AK9: variants seen among roughly 807,000 people sequenced by gnomAD.
AK9 encodes adenylate kinase domain containing 1.
A neutral mutation model predicts 239.6 loss-of-function variants in AK9; 191 were observed. That is an observed-to-expected ratio of 0.80 (90% CI 0.71 to 0.90). The LOEUF is 0.90. AK9 is among the 40% of genes least tolerant of loss of function. The pLI, the probability that AK9 is intolerant of heterozygous loss-of-function variation, is 0.00. For synonymous variants in AK9, 689 were observed against 721.0 expected, an observed-to-expected ratio of 0.96 and a Z score of 0.71; for missense variants, 1,995 against 2,214.7, an observed-to-expected ratio of 0.90 and a Z score of 1.99.
intron 32 of AK9, among the ~76,000 whole-genome samples, chr6:109,509,587 T>A (rs1778472117): frequency 6.6e-6 from 1 of 152,066 alleles, no homozygotes. Context: ...CCAGGCCTCC[T>A]GCTCTATGGA....
intron 17 of AK9, among the ~76,000 whole-genome samples, chr6:109,599,292 T>C (rs1019027405): frequency 1.3e-5 from 2 of 152,214 alleles, no homozygotes; most frequent in African/African-American, 4.8e-5. Context: ...TTTCTACGTA[T>C]GGCTAGCCAG....
intron 9 of AK9, among the ~76,000 whole-genome samples, chr6:109,643,032 G>A (rs1395402375): frequency 1.3e-5 from 2 of 152,142 alleles, no homozygotes; most frequent in Non-Finnish European, 2.9e-5. Context: ...TGAACTCTGG[G>A]GTCCTGCAAC....
At chr6:109,588,686 G>C (rs1487398405) in intron 17 of AK9, among the ~76,000 whole-genome samples, 3 of 151,998 alleles carry the variant, frequency 2.0e-5, no homozygotes, top group Admixed American at 2.0e-4. Flanking sequence ...TTTTTCCTAG[G>C]TTCTCTTTCA....
Position 109,536,952 on chromosome 6 carries a change from G to A in AK9, c.3351-3482C>T, listed in dbSNP as rs148081469. Among the ~76,000 whole-genome samples, 56 of 152,284 alleles carry A rather than the reference G, an allele frequency of 3.7e-4. No homozygotes were observed. The East Asian group carries it at 0.01, about 28-fold the overall frequency. On this transcript the variant is annotated intron_variant, in intron 27 of 40. Coordinates refer to ENST00000424296, the MANE Select transcript of AK9 (RefSeq NM_001145128.3). ...ACCAGCCTTGCATCCTAGGGATGAA[G>A]CCCACTTGATCATGGTGCATAAGCT...
intron 26 of AK9, among the ~76,000 whole-genome samples, chr6:109,545,588 G>A (rs1441121242): frequency 6.6e-6 from 1 of 152,120 alleles, no homozygotes; most frequent in Non-Finnish European, 1.5e-5. Flanking sequence ...TGCCATGACT[G>A]TGAAGCCTCC....
At chr6:109,603,540 G>A (rs1792384524) in intron 17 of AK9, among the ~76,000 whole-genome samples, 1 of 152,218 alleles carries the variant, frequency 6.6e-6, no homozygotes, top group Admixed American at 6.5e-5. Flanking sequence ...TGAGGAGGCA[G>A]TCTGTCCGTT....
At chr6:109,543,663 G>C (rs1281445693) in intron 26 of AK9, among the ~76,000 whole-genome samples, 1 of 151,972 alleles carries the variant, frequency 6.6e-6, no homozygotes, top group Non-Finnish European at 1.5e-5. Flanking sequence ...GGCCAGGCTG[G>C]TCTTGAACTC....
chr6:109,493,725 T>C (rs745774625), intron 40 of AK9, among the ~76,000 whole-genome samples, 154 bp from the exon 41 acceptor site: 5 of 152,220 alleles, frequency 3.3e-5, no homozygotes, highest in Non-Finnish European at 7.3e-5. Context: ...CTGTTTTAGG[T>C]CATAATTGCC....
At chr6:109,501,925 A>T (rs879452510) in intron 35 of AK9, among the ~76,000 whole-genome samples, 1 of 152,158 alleles carries the variant, frequency 6.6e-6, no homozygotes, top group African/African-American at 2.4e-5. Flanking sequence ...AAAACAAATG[A>T]CTTTGAACCT....
rs1583200777 is a variant in AK9, at chr6:109,601,013, T to C, written c.1842+9352A>G. 3.3e-5 allele frequency among the ~76,000 whole-genome samples: 5 copies of C among 152,274 alleles called. 1 individual carries two copies. Among genetic ancestry groups the C allele is most frequent in the Admixed American group, 2.6e-4 (4 of 15,292 alleles). On this transcript the variant is annotated intron_variant, in intron 17 of 40. Transcript: ENST00000424296. ...TAGCAGTCTATCAATTTTGTTGATC[T>C]TTTCAAAAAACCAGCTCCTGGATTC...
At chr6:109,647,203 ACAT>A (rs1177899509) in intron 8 of AK9, among the ~76,000 whole-genome samples, 1 of 152,218 alleles carries the variant, frequency 6.6e-6, no homozygotes, top group African/African-American at 2.4e-5. Context: ...TAACCAGCTA[ACAT>A]CATAATGACA....
intron 24 of AK9, among the ~76,000 whole-genome samples, chr6:109,561,992 G>T (rs1333357589): frequency 1.3e-5 from 2 of 152,116 alleles, no homozygotes; most frequent in East Asian, 3.8e-4. Flanking sequence ...AATTTGGAAT[G>T]CTCTAAACTC....
At chr6:109,528,556 G>A (rs1321739111) in intron 29 of AK9, 1 of 456,960 alleles carries the variant, frequency 2.2e-6, no homozygotes, top group Non-Finnish European at 4.4e-6. Context: ...TGAATATTTT[G>A]TTTTGACAAA....
At chr6:109,503,203 G>C (rs1777770071) in intron 35 of AK9, among the ~76,000 whole-genome samples, 1 of 151,560 alleles carries the variant, frequency 6.6e-6, no homozygotes, top group Admixed American at 6.6e-5. Flanking sequence ...AAGGTATATA[G>C]TATTATAATA....
At chr6:109,545,470 A>T (rs1783427833) in intron 26 of AK9, among the ~76,000 whole-genome samples, 1 of 152,154 alleles carries the variant, frequency 6.6e-6, no homozygotes, top group African/African-American at 2.4e-5. Context: ...TGTGATAGTG[A>T]ATAGTCTCAC....
intron 12 of AK9, among the ~76,000 whole-genome samples, chr6:109,624,026 G>A (rs1168069148): frequency 6.6e-6 from 1 of 151,418 alleles, no homozygotes; most frequent in Non-Finnish European, 1.5e-5. Context: ...CGTAGAACAT[G>A]TTCATATTTC....
intron 27 of AK9, among the ~76,000 whole-genome samples, chr6:109,535,589 G>T (rs565740881): frequency 6.6e-6 from 1 of 152,264 alleles, no homozygotes; most frequent in East Asian, 1.9e-4. Flanking sequence ...TTCTTTTGCT[G>T]TCAGAAGTTC....
intron 33 of AK9, among the ~76,000 whole-genome samples, chr6:109,508,847 T>C (rs916270940): frequency 6.6e-6 from 1 of 152,160 alleles, no homozygotes; most frequent in Non-Finnish European, 1.5e-5. Context: ...GGGCCACTTC[T>C]CCATAACTTC....
intron 29 of AK9, among the ~76,000 whole-genome samples, chr6:109,519,487 T>C (rs998397337): frequency 7.9e-5 from 12 of 152,038 alleles, no homozygotes; most frequent in African/African-American, 2.9e-4. Flanking sequence ...CTGTTGTTTT[T>C]TGACTTTTTA....
Sources: allele counts gnomAD v4.1 joint callset (sites outside exome capture counted in the v4.1 genomes callset), GRCh38; gene constraint gnomAD v4.1.1; transcripts MANE v1.5; gene names NCBI Gene and HGNC (gene_info 2026-07-23, HGNC 2026-07-21).